CDH6: variants seen among roughly 807,000 people sequenced by gnomAD.
CDH6 encodes the protein cadherin 6.
CDH6 carries 31 observed loss-of-function variants against 78.0 expected under a neutral mutation model. The ratio of observed to expected loss-of-function variants is 0.40; its 90% CI spans 0.30 to 0.54. The LOEUF is 0.54. Ranked by LOEUF, CDH6 falls within the 20% of genes least tolerant of loss-of-function variation. The probability of loss-of-function intolerance (pLI) is 0.56; values close to 1 mark genes in which losing one functional copy is unlikely to be tolerated. For missense variants in CDH6, 724 were observed against 975.9 expected, an observed-to-expected ratio of 0.74 and a Z score of 3.44; for synonymous variants, 376 against 368.8, an observed-to-expected ratio of 1.02 and a Z score of -0.23.
At chr5:31,203,432 A>G (rs1266793540) in intron 1 of CDH6, among the ~76,000 whole-genome samples, 4 of 115,664 alleles carry the variant, frequency 3.5e-5, no homozygotes, top group Admixed American at 1.0e-4. Context: ...AGAGTGTGAT[A>G]TTCCCCTTCC....
chr5:31,263,541 C>T lies in CDH6; in HGVS notation c.-128-3805C>T, dbSNP rs1742268752. Among the ~76,000 whole-genome samples, 3 of 149,678 alleles carry T rather than the reference C, an allele frequency of 2.0e-5. No individual in the cohort carries two copies. In the South Asian group the frequency reaches 6.4e-4, roughly 32 times the overall value. ...CAGGCGATCCACCCACCTCGGCCTT[C>T]CAAAGTGCTGGAATTACAGGCATGA... On this transcript the variant is annotated intron_variant, in intron 1 of 11. Coordinates refer to ENST00000265071, the MANE Select transcript of CDH6 (RefSeq NM_004932.4).
At chr5:31,318,651 A>G (rs1447321510) in intron 11 of CDH6, 1 of 230,014 alleles carries the variant, frequency 4.3e-6, no homozygotes, top group Non-Finnish European at 8.6e-6. Context: ...AGATTTCTCA[A>G]CAGGTCCTTG....
At chr5:31,220,443 G>A (rs1740975597) in intron 1 of CDH6, among the ~76,000 whole-genome samples, 1 of 151,992 alleles carries the variant, frequency 6.6e-6, no homozygotes, top group Non-Finnish European at 1.5e-5. Context: ...TTAAAGTGAG[G>A]GATGCCAAAT....
At chr5:31,217,063 G>A (rs1014831474) in intron 1 of CDH6, among the ~76,000 whole-genome samples, 1 of 152,082 alleles carries the variant, frequency 6.6e-6, no homozygotes, top group African/African-American at 2.4e-5. Flanking sequence ...TCAGCCCAGG[G>A]CGTGTATAGG....
At chr5:31,312,812 A>G (rs918799542) in intron 7 of CDH6, among the ~76,000 whole-genome samples, 4 of 152,076 alleles carry the variant, frequency 2.6e-5, no homozygotes, top group African/African-American at 4.8e-5. Flanking sequence ...TCTCTCACCA[A>G]TGTCATCTCC....
intron 1 of CDH6, among the ~76,000 whole-genome samples, chr5:31,228,135 T>A (rs923535396): frequency 2.2e-4 from 34 of 152,262 alleles, no homozygotes; most frequent in Non-Finnish European, 2.8e-4. Flanking sequence ...TAAATCTCTC[T>A]CTCTTTGTCT....
intron 1 of CDH6, among the ~76,000 whole-genome samples, chr5:31,248,108 T>C (rs1050504062): frequency 3.5e-4 from 54 of 152,204 alleles, no homozygotes; most frequent in Admixed American, 3.1e-3. Context: ...TGATTCTTCT[T>C]TTAAGCAATT....
At chr5:31,194,793 G>C (rs893440175) in intron 1 of CDH6, among the ~76,000 whole-genome samples, 2 of 152,106 alleles carry the variant, frequency 1.3e-5, no homozygotes, top group African/African-American at 2.4e-5. Flanking sequence ...AATAAAAAGG[G>C]ACGCTGCAAT....
chr5:31,314,686 C>A (rs1738257269), intron 8 of CDH6, among the ~76,000 whole-genome samples: 1 of 151,846 alleles, frequency 6.6e-6, no homozygotes, highest in Non-Finnish European at 1.5e-5. Flanking sequence ...ATGTAGATAC[C>A]AAAGACAGAG....
chr5:31,212,460 T>C (rs1415968671), intron 1 of CDH6, among the ~76,000 whole-genome samples: 10 of 152,212 alleles, frequency 6.6e-5, no homozygotes, highest in Non-Finnish European at 4.4e-5. Context: ...GTGATTTGGC[T>C]GAAACCGTAA....
At chr5:31,266,871 C>T (rs752273449) in intron 1 of CDH6, among the ~76,000 whole-genome samples, 3 of 152,196 alleles carry the variant, frequency 2.0e-5, no homozygotes, top group Non-Finnish European at 2.9e-5. Context: ...GCCTGACTCA[C>T]GCCTGGCACA....
rs1445071468 is a variant in CDH6, at chr5:31,294,893, G to A, written c.523+637G>A. ...ATTTAATTTGTTTAAATTGAGAGAA[G>A]TAAACAGGATTTAAATTAAGAAAAA... On this transcript the variant is annotated intron_variant, in intron 3 of 11. Coordinates refer to ENST00000265071, the MANE Select transcript of CDH6 (RefSeq NM_004932.4). This position sits in a 1 kb window ranked among gnomAD's most constrained non-coding sequence, Gnocchi z 4.1. 6.6e-6 allele frequency among the ~76,000 whole-genome samples: 1 copy of A among 152,076 alleles called. No individual in the cohort carries two copies. The highest frequency in any genetic ancestry group is 6.6e-5 in the Admixed American group (1 of 15,262).
intron 1 of CDH6, among the ~76,000 whole-genome samples, chr5:31,197,752 G>A (rs566398221): frequency 8.5e-5 from 13 of 152,118 alleles, no homozygotes; most frequent in Non-Finnish European, 1.0e-4. Context: ...TTTCTTCTTC[G>A]TTTTTTTCAT....
At chr5:31,297,180 C>T in intron 3 of CDH6, 109 bp from the exon 4 acceptor site, 1 of 940,146 alleles carries the variant, frequency 1.1e-6, no homozygotes, top group South Asian at 1.4e-5. Flanking sequence ...TTCTCGACTT[C>T]CTCAGCATGA....
chr5:31,263,671 G>A (rs967116543), intron 1 of CDH6, among the ~76,000 whole-genome samples: 15 of 152,082 alleles, frequency 9.9e-5, no homozygotes, highest in African/African-American at 3.6e-4. Context: ...CCATTCATGA[G>A]GGCAGAAAGA....
At chr5:31,213,559 T>C (rs1220732526) in intron 1 of CDH6, among the ~76,000 whole-genome samples, 1 of 152,056 alleles carries the variant, frequency 6.6e-6, no homozygotes, top group Non-Finnish European at 1.5e-5. Context: ...CTTAAACAGG[T>C]TTATGCAGAA....
intron 1 of CDH6, among the ~76,000 whole-genome samples, chr5:31,252,434 A>C (rs1741935774): frequency 6.6e-6 from 1 of 152,118 alleles, no homozygotes; most frequent in Non-Finnish European, 1.5e-5. Flanking sequence ...CATGAAGTCC[A>C]TTAAACAATT....
chr5:31,296,991 A>G (rs573360312), intron 3 of CDH6, among the ~76,000 whole-genome samples: 1 of 152,186 alleles, frequency 6.6e-6, no homozygotes, highest in East Asian at 1.9e-4. Context: ...ATAACTCGAA[A>G]GAATCACTAA....
chr5:31,195,251 T>G (rs1433254934), intron 1 of CDH6, among the ~76,000 whole-genome samples: 1 of 152,140 alleles, frequency 6.6e-6, no homozygotes, highest in Admixed American at 6.5e-5. Context: ...ATATGGCTGC[T>G]CTGGAGGGGT....
Sources: allele counts gnomAD v4.1 joint callset (sites outside exome capture counted in the v4.1 genomes callset), GRCh38; gene constraint gnomAD v4.1.1; non-coding constraint Gnocchi (gnomAD v3.1); transcripts MANE v1.5; gene names NCBI Gene and HGNC (gene_info 2026-07-23, HGNC 2026-07-21).